UNC13C: variants seen among roughly 807,000 people sequenced by gnomAD.
UNC13C encodes protein unc-13 homolog C.
In UNC13C, 174 loss-of-function variants were observed where a neutral mutation model predicts 245.4. The observed-to-expected ratio is 0.71, with a 90% confidence interval of 0.63 to 0.80. The LOEUF (loss-of-function observed/expected upper bound fraction) is 0.80, where lower values mean the gene tolerates loss of function less well. Among genes scored for constraint, UNC13C ranks in the 30% least tolerant of loss-of-function variants. UNC13C has a pLI of 0.00. For missense variants in UNC13C, 2,829 were observed against 2,602.9 expected (o/e 1.09, Z -1.89); for synonymous variants, 992 against 895.1 (o/e 1.11, Z -1.93).
chr15:54,486,250 AACACACACACACAC>A (rs59221050), intron 19 of UNC13C, among the ~76,000 whole-genome samples: 2 of 131,994 alleles, frequency 1.5e-5, no homozygotes, highest in East Asian at 2.3e-4. Flanking sequence ...GATCTATTAA[AACACACACACACAC>A]ACACACACAC....
intron 4 of UNC13C, among the ~76,000 whole-genome samples, chr15:54,227,040 T>A (rs1236811333): frequency 6.6e-6 from 1 of 152,166 alleles, no homozygotes; most frequent in Non-Finnish European, 1.5e-5. Context: ...CAGTGGGTCC[T>A]GAGTCCTTAT....
At chr15:54,043,230 C>A (rs1896889150) in intron 2 of UNC13C, among the ~76,000 whole-genome samples, 3 of 152,242 alleles carry the variant, frequency 2.0e-5, no homozygotes, top group Admixed American at 6.5e-5. Flanking sequence ...ATAAAGGAGG[C>A]AGCCTTGAGC....
chr15:54,302,391 C>G (rs527896244), intron 13 of UNC13C, among the ~76,000 whole-genome samples: 32 of 152,060 alleles, frequency 2.1e-4, no homozygotes, highest in South Asian at 1.2e-3. Context: ...ATGGAATTGT[C>G]TAGGTTTTCT....
intron 30 of UNC13C, among the ~76,000 whole-genome samples, chr15:54,575,126 C>A (rs1016649126): frequency 6.6e-6 from 1 of 152,148 alleles, no homozygotes; most frequent in Admixed American, 6.5e-5. Context: ...ACCTCCACCT[C>A]CTGGGTTCAA....
At chr15:53,984,766 A>G (rs1894061918) in intron 1 of UNC13C, among the ~76,000 whole-genome samples, 1 of 152,094 alleles carries the variant, frequency 6.6e-6, no homozygotes, top group Non-Finnish European at 1.5e-5. Flanking sequence ...TGGAAATAAC[A>G]AGAAAAATAA....
chr15:53,981,231 T>A (rs1893915266), intron 1 of UNC13C, among the ~76,000 whole-genome samples: 1 of 152,208 alleles, frequency 6.6e-6, no homozygotes, highest in African/African-American at 2.4e-5. Flanking sequence ...CTGTACGTTG[T>A]CTTCCAGTTT....
At chr15:54,463,830 T>C (rs2141030762) in intron 19 of UNC13C, among the ~76,000 whole-genome samples, 1 of 151,598 alleles carries the variant, frequency 6.6e-6, no homozygotes, top group East Asian at 1.9e-4. Context: ...AAATTGAGAG[T>C]TGAAGGGAAT....
intron 2 of UNC13C, among the ~76,000 whole-genome samples, chr15:54,038,654 A>C (rs1291077820): frequency 6.6e-6 from 1 of 152,182 alleles, no homozygotes; most frequent in Non-Finnish European, 1.5e-5. Context: ...CTTTAAAATA[A>C]ATTAAACTTA....
chr15:54,333,903 A>G (rs370759199), intron 16 of UNC13C, 47 bp downstream of exon 16: 35 of 1,385,710 alleles, frequency 2.5e-5, no homozygotes, highest in African/African-American at 5.7e-5. Flanking sequence ...CATAGAATAC[A>G]TTCATCCCCT....
intron 30 of UNC13C, among the ~76,000 whole-genome samples, chr15:54,575,323 G>C (rs540865080): frequency 5.3e-5 from 8 of 152,268 alleles, no homozygotes; most frequent in Admixed American, 4.6e-4. Context: ...TTAAATACCA[G>C]ATTATATATC....
Position 54,143,654 on chromosome 15 carries a change from C to T in UNC13C, c.3041C>T (p.Ser1014Phe). Residue 1014 changes from serine to phenylalanine, a missense_variant, in exon 4 of 33, where the codon TCC becomes TTC. Coordinates refer to ENST00000260323, the MANE Select transcript of UNC13C (RefSeq NM_001080534.3). ...RIVSGNDLDASKFSALQVCGG... is the reference protein window; with the variant it reads ...RIVSGNDLDAFKFSALQVCGG... ...GTAAGTGGCAATGATTTGGATGCTT[C>T]CAAATTTTCTGCACTCCAGGTGTGT... 1 of 1,613,342 alleles carries T rather than the reference C, an allele frequency of 6.2e-7. No homozygotes were observed. The highest frequency in any genetic ancestry group is 8.5e-7 in the Non-Finnish European group (1 of 1,179,468).
At chr15:53,864,589 C>G in the UNC13C span, among the ~76,000 whole-genome samples, 1 of 152,196 alleles carries the variant, frequency 6.6e-6, no homozygotes, top group Admixed American at 6.6e-5. Flanking sequence ...TCAACATTCT[C>G]TCTACCTAGG....
chr15:54,481,181 C>T (rs1478478442), intron 19 of UNC13C, among the ~76,000 whole-genome samples: 1 of 123,778 alleles, frequency 8.1e-6, no homozygotes, highest in African/African-American at 3.1e-5. Flanking sequence ...GAGGCTATGG[C>T]AATGCATTGC....
intron 30 of UNC13C, among the ~76,000 whole-genome samples, chr15:54,583,287 G>A (rs1378787087): frequency 6.6e-6 from 1 of 152,132 alleles, no homozygotes; most frequent in Non-Finnish European, 1.5e-5. Flanking sequence ...AACATATAGA[G>A]TCAATGAAAA....
intron 1 of UNC13C, among the ~76,000 whole-genome samples, chr15:53,986,869 A>G (rs555058333): frequency 2.0e-5 from 3 of 150,876 alleles, no homozygotes; most frequent in African/African-American, 4.8e-5. Flanking sequence ...TGTGAAAGTG[A>G]GTGATAAAAC....
intron 1 of UNC13C, among the ~76,000 whole-genome samples, chr15:53,999,682 A>C (rs530979003): frequency 6.6e-6 from 1 of 151,982 alleles, no homozygotes; most frequent in Non-Finnish European, 1.5e-5. Context: ...ATTTAAACCT[A>C]TAAATTCATG....
chr15:54,163,520 C>T (rs1047654269), intron 4 of UNC13C, among the ~76,000 whole-genome samples: 1 of 152,100 alleles, frequency 6.6e-6, no homozygotes, highest in African/African-American at 2.4e-5. Flanking sequence ...AACTTTACCA[C>T]CAGAGTGCTT....
chr15:53,876,009 T>C, the UNC13C span, among the ~76,000 whole-genome samples: 7 of 152,314 alleles, frequency 4.6e-5, no homozygotes, highest in East Asian at 9.7e-4. Context: ...GCACAGGGTA[T>C]GTGTTCTAAA....
chr15:53,896,767 C>A, the UNC13C span, among the ~76,000 whole-genome samples: 1 of 151,984 alleles, frequency 6.6e-6, no homozygotes, highest in Non-Finnish European at 1.5e-5. Flanking sequence ...GGGGACTATC[C>A]CATATTCTTT....
Sources: allele counts gnomAD v4.1 joint callset (sites outside exome capture counted in the v4.1 genomes callset), GRCh38; gene constraint gnomAD v4.1.1; transcripts MANE v1.5; gene names NCBI Gene and HGNC (gene_info 2026-07-23, HGNC 2026-07-21).